The following TSPEAR variants were observed in gnomAD, a reference collection of about 807,000 sequenced individuals.
The protein encoded by TSPEAR is thrombospondin-type laminin G domain and EAR repeat-containing protein.
TSPEAR carries 69 observed loss-of-function variants against 71.6 expected under a neutral mutation model. The observed-to-expected ratio is 0.96, with a 90% CI of 0.79 to 1.18. TSPEAR has a LOEUF of 1.18. TSPEAR is among the 50% of genes most tolerant of loss of function. TSPEAR has a pLI of 0.00. For synonymous variants in TSPEAR, 402 were observed against 387.2 expected, an observed-to-expected ratio of 1.04 and a Z score of -0.45; for missense variants, 971 against 894.9, an observed-to-expected ratio of 1.09 and a Z score of -1.09.
chr21:44,597,588 A>AAGTAGCTGAGATTACAGG, intron 1 of TSPEAR, among the ~76,000 whole-genome samples: 2 of 152,094 alleles, frequency 1.3e-5, no homozygotes, highest in African/African-American at 4.8e-5. Flanking sequence ...GCCCACCACC[A>AAGTAGCTGAGATTACAGG]TGCCCGGCTA....
intron 1 of TSPEAR, among the ~76,000 whole-genome samples, chr21:44,705,565 A>C (rs1176502405): frequency 6.6e-6 from 1 of 152,188 alleles, no homozygotes; most frequent in Non-Finnish European, 1.5e-5. Context: ...AGGTCTCTGA[A>C]CTGGCCCCCC....
intron 1 of TSPEAR, among the ~76,000 whole-genome samples, chr21:44,704,462 T>C (rs1443386578): frequency 2.0e-5 from 3 of 152,208 alleles, no homozygotes; most frequent in African/African-American, 7.2e-5. Context: ...CTGCCAGAGC[T>C]GTTGGCCTCC....
At chr21:44,504,263 C>T (rs1485874171) in intron 11 of TSPEAR, among the ~76,000 whole-genome samples, 2 of 132,190 alleles carry the variant, frequency 1.5e-5, no homozygotes, top group Non-Finnish European at 3.2e-5. Flanking sequence ...CTCGGTGAGC[C>T]CTCAGGGGGA....
At chr21:44,581,079 T>C (rs1266439484) in intron 1 of TSPEAR, among the ~76,000 whole-genome samples, 1 of 152,206 alleles carries the variant, frequency 6.6e-6, no homozygotes, top group Non-Finnish European at 1.5e-5. Flanking sequence ...GAGGGTACGA[T>C]GAAGCTAAGT....
intron 2 of TSPEAR, among the ~76,000 whole-genome samples, chr21:44,562,596 CAAG>C (rs781814571): frequency 1.3e-5 from 2 of 152,078 alleles, no homozygotes; most frequent in South Asian, 2.1e-4. Flanking sequence ...AAGTCAAAAA[CAAG>C]GAGAAAATCT....
At chr21:44,628,223 G>A (rs1983014307) in intron 1 of TSPEAR, 1 of 741,534 alleles carries the variant, frequency 1.3e-6, no homozygotes, top group African/African-American at 1.9e-5. Flanking sequence ...CTCCCCCCCG[G>A]GCAGGCGAGC....
chr21:44,502,215 G>A (rs1413416944), intron 11 of TSPEAR, among the ~76,000 whole-genome samples: 4 of 152,174 alleles, frequency 2.6e-5, no homozygotes, highest in Non-Finnish European at 5.9e-5. Flanking sequence ...CCCATCAAAC[G>A]GCCATGCTCA....
intron 1 of TSPEAR, among the ~76,000 whole-genome samples, chr21:44,576,690 G>C (rs1322783244): frequency 6.6e-6 from 1 of 152,222 alleles, no homozygotes; most frequent in East Asian, 1.9e-4. Context: ...AACACTGCTG[G>C]TTGAGGTCCT....
chr21:44,639,491 CA>C (rs1223094590), intron 1 of TSPEAR, among the ~76,000 whole-genome samples: 33 of 152,348 alleles, frequency 2.2e-4, no homozygotes, highest in African/African-American at 7.0e-4. Context: ...CAACCAGCAG[CA>C]GCCGTCCCCA....
At chr21:44,650,258 C>T (rs1332558269) in intron 1 of TSPEAR, among the ~76,000 whole-genome samples, 1 of 152,150 alleles carries the variant, frequency 6.6e-6, no homozygotes, top group Non-Finnish European at 1.5e-5. Context: ...ATGCTGATCC[C>T]TCATACTGTA....
At chr21:44,651,920 C>T (rs968076927) in intron 1 of TSPEAR, among the ~76,000 whole-genome samples, 17 of 151,926 alleles carry the variant, frequency 1.1e-4, no homozygotes, top group African/African-American at 3.4e-4. Flanking sequence ...GACTATAGAC[C>T]GAGGCCTATA....
Position 44,675,616 on chromosome 21 carries a change from G to C in TSPEAR, c.82+35817C>G, listed in dbSNP as rs587694244. On this transcript the variant is annotated intron_variant, in intron 1 of 11. Transcript: ENST00000323084. ...AGAGATCACAAACATTATTTTGATT[G>C]GCCTCACAAGTCTGATCAGTAAAAT... Among the ~76,000 whole-genome samples, 6 of 151,894 alleles carry C rather than the reference G, an allele frequency of 4.0e-5. No homozygotes were observed. In the East Asian group the frequency reaches 1.2e-3, roughly 29 times the overall value.
At chr21:44,604,342 A>G (rs1431164015) in intron 1 of TSPEAR, among the ~76,000 whole-genome samples, 2 of 152,262 alleles carry the variant, frequency 1.3e-5, no homozygotes, top group Non-Finnish European at 2.9e-5. Flanking sequence ...AAGAAAACAT[A>G]AAAAGAAACG....
intron 1 of TSPEAR, chr21:44,654,256 G>A (rs1555942021): frequency 1.3e-6 from 2 of 1,595,840 alleles, no homozygotes; most frequent in Non-Finnish European, 1.7e-6. Flanking sequence ...CACCTACGAG[G>A]GTCATAGGAG....
chr21:44,697,113 C>G (rs1405597870), intron 1 of TSPEAR: 2 of 1,564,262 alleles, frequency 1.3e-6, no homozygotes, highest in Non-Finnish European at 1.7e-6. Flanking sequence ...CAGACACTCA[C>G]TCACTCCCTC....
At chr21:44,517,005 T>C (rs1241717201) in intron 9 of TSPEAR, among the ~76,000 whole-genome samples, 2 of 152,190 alleles carry the variant, frequency 1.3e-5, no homozygotes, top group African/African-American at 2.4e-5. Context: ...CAGCGGCTGC[T>C]GCACAGGAAG....
intron 1 of TSPEAR, chr21:44,637,884 G>T (rs782538046): frequency 6.5e-7 from 1 of 1,533,690 alleles, no homozygotes; most frequent in Non-Finnish European, 8.9e-7. Flanking sequence ...AAGTCCGTCT[G>T]CTATGTGCCT....
At chr21:44,621,812 T>G (rs987852244) in intron 1 of TSPEAR, among the ~76,000 whole-genome samples, 3 of 152,158 alleles carry the variant, frequency 2.0e-5, no homozygotes, top group Non-Finnish European at 4.4e-5. Flanking sequence ...GATATTTGTA[T>G]TTTTGTTCCT....
intron 1 of TSPEAR, among the ~76,000 whole-genome samples, chr21:44,684,411 G>A (rs1444426724): frequency 6.6e-6 from 1 of 152,128 alleles, no homozygotes; most frequent in African/African-American, 2.4e-5. Flanking sequence ...GTGTGCACCT[G>A]TAGTCCCAAC....
Sources: gnomAD v4.1 joint callset for allele counts (sites outside exome capture counted in the v4.1 genomes callset) on GRCh38, gnomAD v4.1.1 for gene constraint, MANE v1.5 for transcripts, NCBI Gene and HGNC (gene_info 2026-07-23, HGNC 2026-07-21) for gene names.